The following MBNL1 variants were observed in gnomAD, a reference collection of about 807,000 sequenced individuals.
MBNL1 encodes muscleblind-like protein 1.
In MBNL1, 8 loss-of-function variants were observed where a neutral mutation model predicts 42.2. The ratio of observed to expected loss-of-function variants is 0.19; its 90% CI spans 0.11 to 0.34. MBNL1 has a LOEUF of 0.34. MBNL1 is among the 10% of genes least tolerant of loss of function. The probability of loss-of-function intolerance (pLI) is 1.00; values close to 1 mark genes in which losing one functional copy is unlikely to be tolerated. For synonymous variants in MBNL1, 169 were observed against 173.9 expected, an observed-to-expected ratio of 0.97 and a Z score of 0.22; for missense variants, 309 against 495.3, an observed-to-expected ratio of 0.62 and a Z score of 3.57.
chr3:152,395,828 G>A (rs928114071), intron 2 of MBNL1, among the ~76,000 whole-genome samples: 2 of 152,204 alleles, frequency 1.3e-5, no homozygotes, highest in Non-Finnish European at 2.9e-5. Flanking sequence ...GTTCACACCT[G>A]TGTGGTTTTA....
At position 152,299,711 on chromosome 3, in the gene MBNL1, C is replaced by T. The variant is rs1476005372; in HGVS notation, c.-483C>T. ...TTTTGCTCTAAACTGCTGCATCTGT[C>T]TATGCCAAACTAATCAATACCGATT... On this transcript the variant is annotated 5_prime_UTR_variant, in exon 2 of 10. Transcript: ENST00000324210. 1 of 398,744 alleles carries T rather than the reference C, an allele frequency of 2.5e-6. No individual in the cohort carries two copies. Among genetic ancestry groups the T allele is most frequent in the African/African-American group, 2.1e-5 (1 of 48,630 alleles). The allele number at this position is 398,744 out of a possible 1,614,324, so 24.7% of individuals were successfully genotyped here.
intron 1 of MBNL1, among the ~76,000 whole-genome samples, chr3:152,277,806 T>A (rs2046182346): frequency 6.6e-6 from 1 of 152,068 alleles, no homozygotes; most frequent in Non-Finnish European, 1.5e-5. Flanking sequence ...TAAAGACAGT[T>A]TTCAAGAAAA....
intron 2 of MBNL1, among the ~76,000 whole-genome samples, chr3:152,315,465 T>G (rs556489395): frequency 1.3e-5 from 2 of 152,212 alleles, no homozygotes; most frequent in African/African-American, 2.4e-5. Flanking sequence ...ATTACAGAGA[T>G]AGAAAATTAA....
chr3:152,367,457 T>C (rs896719701), intron 2 of MBNL1, among the ~76,000 whole-genome samples: 1 of 152,134 alleles, frequency 6.6e-6, no homozygotes, highest in Non-Finnish European at 1.5e-5. Flanking sequence ...GTTCCAAGTC[T>C]TTACTATAGG....
intron 2 of MBNL1, among the ~76,000 whole-genome samples, chr3:152,359,267 A>T (rs1250087228): frequency 2.6e-5 from 4 of 152,254 alleles, no homozygotes; most frequent in African/African-American, 7.2e-5. Context: ...TTTGCTTATC[A>T]ACAGATTGCC....
At chr3:152,270,466 A>G (rs1432504491) in intron 1 of MBNL1, among the ~76,000 whole-genome samples, 1 of 152,200 alleles carries the variant, frequency 6.6e-6, no homozygotes, top group East Asian at 1.9e-4. Flanking sequence ...ATACCAGCAC[A>G]AGAGAGCCAC....
intron 2 of MBNL1, among the ~76,000 whole-genome samples, chr3:152,329,859 AT>A (rs1384389128): frequency 6.6e-6 from 1 of 151,248 alleles, no homozygotes; most frequent in African/African-American, 2.4e-5. Flanking sequence ...GTTTGAAATA[AT>A]TTTCACTTTT....
intron 2 of MBNL1, among the ~76,000 whole-genome samples, chr3:152,357,180 C>T (rs2095589547): frequency 6.6e-6 from 1 of 152,140 alleles, no homozygotes; most frequent in African/African-American, 2.4e-5. Flanking sequence ...GAGAGAACTT[C>T]AAGAATGGTA....
At chr3:152,324,737 A>C (rs1006322967) in intron 2 of MBNL1, among the ~76,000 whole-genome samples, 4 of 152,166 alleles carry the variant, frequency 2.6e-5, no homozygotes, top group Non-Finnish European at 4.4e-5. Context: ...ACCAATTGCC[A>C]ACTGAGTAAC....
intron 2 of MBNL1, among the ~76,000 whole-genome samples, chr3:152,353,120 G>C (rs1478621466): frequency 2.6e-5 from 4 of 152,178 alleles, no homozygotes; most frequent in African/African-American, 9.7e-5. Context: ...AGAGTACTCT[G>C]TGATCAGCGA....
At chr3:152,302,819 T>G (rs1453559316) in intron 2 of MBNL1, among the ~76,000 whole-genome samples, 2 of 152,128 alleles carry the variant, frequency 1.3e-5, no homozygotes, top group African/African-American at 4.8e-5. Context: ...GTCCAGCCTT[T>G]TCTGAGTTCT....
intron 2 of MBNL1, among the ~76,000 whole-genome samples, chr3:152,316,908 G>C (rs2072050966): frequency 6.6e-6 from 1 of 151,424 alleles, no homozygotes; most frequent in Admixed American, 6.6e-5. Flanking sequence ...TTAAAACTAT[G>C]GATGAATTTT....
upstream of MBNL1, chr3:152,268,724 G>A: frequency 2.2e-6 from 1 of 455,034 alleles, no homozygotes; most frequent in Non-Finnish European, 4.4e-6. Flanking sequence ...GGCTCTGTCC[G>A]GTTGACAGGC....
intron 2 of MBNL1, among the ~76,000 whole-genome samples, chr3:152,333,923 G>A (rs77798730): frequency 0.072 from 10,930 of 152,252 alleles, 509 homozygotes; most frequent in Middle Eastern, 0.16. Context: ...AAATCACTGT[G>A]ACCTTGAAGA....
intron 2 of MBNL1, among the ~76,000 whole-genome samples, chr3:152,395,580 G>A (rs1230338347): frequency 3.3e-5 from 5 of 152,156 alleles, no homozygotes; most frequent in African/African-American, 7.2e-5. Context: ...CTTAATGAGC[G>A]CAGTCTTTCT....
intron 2 of MBNL1, chr3:152,300,907 T>C (rs2060470303): frequency 1.0e-6 from 1 of 982,928 alleles, no homozygotes; most frequent in Admixed American, 6.2e-5. Flanking sequence ...TTATGGAAAA[T>C]GTAACTAGAA....
At chr3:152,243,997 G>A (rs1395988089) in exon 1 of MBNL1, 1 of 152,160 alleles carries the variant, frequency 6.6e-6, no homozygotes, top group Non-Finnish European at 1.5e-5. Context: ...TAGAGACGGA[G>A]TTTCACTATG....
At chr3:152,426,676 C>T (rs2098936683) in intron 3 of MBNL1, among the ~76,000 whole-genome samples, 1 of 152,172 alleles carries the variant, frequency 6.6e-6, no homozygotes, top group Admixed American at 6.5e-5. Context: ...TGTGCCTTTA[C>T]CTGTGATCCC....
chr3:152,249,642 T>G (rs1205673961), intron 2 of MBNL1, among the ~76,000 whole-genome samples: 1 of 151,184 alleles, frequency 6.6e-6, no homozygotes, highest in Non-Finnish European at 1.5e-5. Flanking sequence ...ATTTGTCAAT[T>G]TTGGCTTTTG....
Sources: allele counts gnomAD v4.1 joint callset (sites outside exome capture counted in the v4.1 genomes callset), GRCh38; gene constraint gnomAD v4.1.1; transcripts MANE v1.5; gene names NCBI Gene and HGNC (gene_info 2026-07-23, HGNC 2026-07-21).